FAM47E: variants seen among roughly 807,000 people sequenced by gnomAD.
The protein encoded by FAM47E is protein FAM47E.
A neutral mutation model predicts 41.6 loss-of-function variants in FAM47E; 32 were observed. The ratio of observed to expected loss-of-function variants is 0.77; its 90% CI spans 0.58 to 1.03. The LOEUF (loss-of-function observed/expected upper bound fraction) is 1.03, where lower values mean the gene tolerates loss of function less well. FAM47E is among the 50% of genes least tolerant of loss of function. The pLI, the probability that FAM47E is intolerant of heterozygous loss-of-function variation, is 0.00. For missense variants in FAM47E, 424 were observed against 485.4 expected, an observed-to-expected ratio of 0.87 and a Z score of 1.19; for synonymous variants, 184 against 188.7, an observed-to-expected ratio of 0.98 and a Z score of 0.20.
rs1397933307 is a variant in FAM47E at position 76,278,072 on chromosome 4, C to T, written c.874C>T (p.Pro292Ser). Residue 292 changes from proline to serine, a missense_variant, in exon 6 of 8, where the codon CCT (proline) becomes TCT (serine). By Grantham distance (74) the Pro-to-Ser change is moderately conservative. Coordinates refer to ENST00000424749, the MANE Select transcript of FAM47E (RefSeq NM_001136570.3). ...GGAATTATGTTACTTTCCACAGAAT[C>T]CTTATAAGCCAAAGTGGGTGAAGAT... ...YERKLQKPQN[P>S]YKPKWVKMRY... 2.7e-6 allele frequency: 4 copies of T among 1,493,724 alleles called. No individual in the cohort carries two copies. Among genetic ancestry groups the T allele is most frequent in the Middle Eastern group, 1.7e-4 (1 of 5,718 alleles). The allele number at this position is 1,493,724 out of a possible 1,614,324, so 92.5% of individuals were successfully genotyped here.
chr4:76,280,601 C>G, intron 7 of FAM47E: 1 of 340,108 alleles, frequency 2.9e-6, no homozygotes, highest in Non-Finnish European at 5.4e-6. Flanking sequence ...GACTCATCTT[C>G]CTTGGATTTG....
At chr4:76,252,832 A>T (rs765100944) in intron 1 of FAM47E, among the ~76,000 whole-genome samples, 2 of 152,194 alleles carry the variant, frequency 1.3e-5, no homozygotes, top group African/African-American at 2.4e-5. Context: ...ACCATTTTAC[A>T]TAACGATAGC....
chr4:76,276,861 A>G (rs1735140428), intron 5 of FAM47E, among the ~76,000 whole-genome samples: 2 of 152,348 alleles, frequency 1.3e-5, no homozygotes, highest in Admixed American at 6.5e-5. Flanking sequence ...TGCTGAATCC[A>G]GCTCTGGAAG....
chr4:76,277,635 A>G (rs17001742), intron 5 of FAM47E, among the ~76,000 whole-genome samples: 2,320 of 152,154 alleles, frequency 0.015, 51 homozygotes, highest in African/African-American at 0.051. Flanking sequence ...TTGACTGAGT[A>G]TTGTTCAAGG....
Position 76,267,074 on chromosome 4 carries a change from A to G in FAM47E, c.561-1586A>G, listed in dbSNP as rs527390490. On this transcript the variant is annotated intron_variant, in intron 3 of 7. Transcript: ENST00000424749. ...TATATAACTTATAATCACCCGGCAT[A>G]TGTTTGTTTACTATCTGTCTCTCCT... 6.6e-5 allele frequency among the ~76,000 whole-genome samples: 10 copies of G among 152,210 alleles called. No individual in the cohort carries two copies. The South Asian group carries it at 1.9e-3, about 28-fold the overall frequency.
At chr4:76,255,665 C>T (rs553092761) in intron 1 of FAM47E, among the ~76,000 whole-genome samples, 1 of 152,236 alleles carries the variant, frequency 6.6e-6, no homozygotes, top group East Asian at 1.9e-4. Context: ...TTGGGAAAGG[C>T]AACAACTTGA....
At chr4:76,230,834 C>T (rs111947530) in intron 2 of FAM47E, among the ~76,000 whole-genome samples, 5,879 of 152,236 alleles carry the variant, frequency 0.039, 337 homozygotes, top group African/African-American at 0.12. Flanking sequence ...GCCTTGAATT[C>T]CCTAGACCTC....
chr4:76,252,895 A>T (rs964901961), intron 1 of FAM47E, among the ~76,000 whole-genome samples: 2 of 152,202 alleles, frequency 1.3e-5, no homozygotes, highest in African/African-American at 4.8e-5. Flanking sequence ...TGAACTAGAG[A>T]CCTTACTTGG....
intron 1 of FAM47E, 55 bp downstream of exon 1, chr4:76,251,875 G>C (rs1012866318): frequency 2.8e-5 from 38 of 1,361,458 alleles, no homozygotes; most frequent in Middle Eastern, 5.3e-4. Context: ...GCGCGGGGGC[G>C]CCTGGAGACC....
chr4:76,228,177 T>G (rs999049322), intron 2 of FAM47E, among the ~76,000 whole-genome samples: 5 of 152,106 alleles, frequency 3.3e-5, no homozygotes, highest in African/African-American at 1.2e-4. Flanking sequence ...TGAGGTTTTA[T>G]TTCAAGATTT....
intron 3 of FAM47E, among the ~76,000 whole-genome samples, chr4:76,264,608 G>T (rs1734553439): frequency 6.6e-6 from 1 of 151,992 alleles, no homozygotes; most frequent in Non-Finnish European, 1.5e-5. Context: ...TTGTTTGTTT[G>T]TTTTTGAGAC....
rs982067464 is a variant in FAM47E, at chr4:76,280,114, C to T, written c.1027-150C>T. 17 of 540,952 alleles carry T rather than the reference C, an allele frequency of 3.1e-5. No individual in the cohort carries two copies. In the African/African-American group the frequency reaches 3.3e-4, roughly 10 times the overall value. The allele number at this position is 540,952 out of a possible 1,614,324, so 33.5% of individuals were successfully genotyped here. ...CTTTAAAAGCCTTCATATTCATCAA[C>T]TCATGAACATTACACACATATTCAA... On this transcript the variant is annotated intron_variant, in intron 6 of 7. Transcript: ENST00000424749.
intron 2 of FAM47E, among the ~76,000 whole-genome samples, chr4:76,229,662 A>T (rs1401494661): frequency 1.3e-5 from 2 of 152,180 alleles, no homozygotes; most frequent in Middle Eastern, 3.2e-3. Context: ...TGGTGCTGAG[A>T]AATACCTGAT....
At chr4:76,268,987 T>G in intron 4 of FAM47E, 1 of 530,964 alleles carries the variant, frequency 1.9e-6, no homozygotes, top group South Asian at 3.9e-5. Context: ...CTGGAAAGGT[T>G]GCAAACTTGC....
chr4:76,277,495 AAAAG>A (rs1306094381), intron 5 of FAM47E, among the ~76,000 whole-genome samples: 2 of 151,480 alleles, frequency 1.3e-5, no homozygotes, highest in Non-Finnish European at 1.5e-5. Flanking sequence ...GTCTCAAAAA[AAAAG>A]AAAGAAAAAG....
At chr4:76,231,291 G>A (rs959535515) in intron 2 of FAM47E, among the ~76,000 whole-genome samples, 4 of 152,124 alleles carry the variant, frequency 2.6e-5, no homozygotes, top group Non-Finnish European at 4.4e-5. Context: ...CACCTGGCAG[G>A]GTTTTCAGGA....
At chr4:76,215,141 T>G (rs1733177711) in intron 1 of FAM47E, among the ~76,000 whole-genome samples, 1 of 152,212 alleles carries the variant, frequency 6.6e-6, no homozygotes, top group Admixed American at 6.5e-5. Context: ...GGGATAAATA[T>G]CAGGGTATGG....
At position 76,276,012 on chromosome 4, in the gene FAM47E, G is replaced by GGACA. The variant is rs750155309; in HGVS notation, c.871-2032_871-2029dup. Reference sequence around the variant, plus strand: ...GCTGCTAAACATTCTATGATGCATGGGACAGACAGACAGACAGACAGACAG... The same window carrying GGACA: ...GCTGCTAAACATTCTATGATGCATGGGACAGACAGACAGACAGACAGACAGACAG... On this transcript the variant is annotated intron_variant, in intron 5 of 7. Coordinates refer to ENST00000424749, the MANE Select transcript of FAM47E (RefSeq NM_001136570.3). 2.5e-3 allele frequency among the ~76,000 whole-genome samples: 356 copies of GGACA among 140,008 alleles called. 3 individuals are homozygous for GGACA. Among genetic ancestry groups the GGACA allele is most frequent in the East Asian group, 6.6e-3 (26 of 3,950 alleles). The allele number at this position is 140,008 out of a possible 152,430, so 91.9% of individuals were successfully genotyped here. A position where few individuals can be genotyped will look rare whatever the true frequency, so the allele number is the denominator to read the frequency against.
At chr4:76,253,193 T>C (rs1229957839) in intron 1 of FAM47E, among the ~76,000 whole-genome samples, 1 of 152,224 alleles carries the variant, frequency 6.6e-6, no homozygotes, top group Non-Finnish European at 1.5e-5. Flanking sequence ...CCAAGTTGTG[T>C]GTATCAGTAG....
Sources: gnomAD v4.1 joint callset for allele counts (sites outside exome capture counted in the v4.1 genomes callset) on GRCh38, gnomAD v4.1.1 for gene constraint, MANE v1.5 for transcripts, NCBI Gene and HGNC (gene_info 2026-07-23, HGNC 2026-07-21) for gene names.